The following CACNA1C variants were observed in gnomAD, a reference collection of about 807,000 sequenced individuals.
The protein encoded by CACNA1C is calcium voltage-gated channel subunit alpha1 C, also known as voltage-dependent L-type calcium channel subunit alpha-1C.
A neutral mutation model predicts 229.0 loss-of-function variants in CACNA1C; 30 were observed. That is an observed-to-expected ratio of 0.13 (90% CI 0.10 to 0.18). CACNA1C has a LOEUF of 0.18. CACNA1C is among the 10% of genes least tolerant of loss of function. CACNA1C has a pLI of 1.00. For synonymous variants in CACNA1C, 1,114 were observed against 1,132.5 expected (o/e 0.98, Z 0.33); for missense variants, 1,658 against 2,845.0 (o/e 0.58, Z 9.49).
chr12:2,245,544 C>T (rs1276238009), intron 3 of CACNA1C, among the ~76,000 whole-genome samples: 1 of 152,162 alleles, frequency 6.6e-6, no homozygotes, highest in African/African-American at 2.4e-5. Flanking sequence ...TTTCCTTGTT[C>T]CTCCCAAAGG....
At chr12:2,434,614 C>A (rs1938167460) in intron 3 of CACNA1C, among the ~76,000 whole-genome samples, 1 of 152,208 alleles carries the variant, frequency 6.6e-6, no homozygotes, top group Non-Finnish European at 1.5e-5. Flanking sequence ...GCCAAATTCA[C>A]TTTTGTGGAT....
At chr12:2,535,864 C>T (rs1022839984) in intron 9 of CACNA1C, among the ~76,000 whole-genome samples, 14 of 152,194 alleles carry the variant, frequency 9.2e-5, no homozygotes, top group African/African-American at 2.9e-4. Flanking sequence ...GCAAAGGACA[C>T]GCTACATAGC....
At chr12:1,981,033 G>GATA (rs1327256629) in intron 1 of CACNA1C, among the ~76,000 whole-genome samples, 2 of 152,036 alleles carry the variant, frequency 1.3e-5, no homozygotes, top group East Asian at 3.8e-4. Context: ...TGTTCACATA[G>GATA]ATAAAACTAA....
At chr12:2,598,749 G>C (rs2070127519) in intron 21 of CACNA1C, among the ~76,000 whole-genome samples, 1 of 152,206 alleles carries the variant, frequency 6.6e-6, no homozygotes, top group Non-Finnish European at 1.5e-5. Context: ...GTCACATCCA[G>C]ATACAAATTG....
At chr12:2,548,841 C>A (rs2099888899) in intron 9 of CACNA1C, among the ~76,000 whole-genome samples, 1 of 152,156 alleles carries the variant, frequency 6.6e-6, no homozygotes, top group South Asian at 2.1e-4. Context: ...GAGGCCACTC[C>A]CTCAACTAAC....
rs117593192 is a variant in CACNA1C at position 2,463,915 on chromosome 12, A to G, written c.757+6209A>G. ...TGCGTATTACACCAAAGACTAAGCC[A>G]TATGGAGGAATCAACGTTATACAGC... On this transcript the variant is annotated intron_variant, in intron 5 of 46. Transcript: ENST00000399655. Among the ~76,000 whole-genome samples the G allele has an allele frequency of 4.3e-3, 659 of 152,360 alleles. 6 individuals are homozygous for G. Among genetic ancestry groups the G allele is most frequent in the Admixed American group, 0.014 (212 of 15,312 alleles).
chr12:2,264,840 T>C (rs11615388), intron 3 of CACNA1C, among the ~76,000 whole-genome samples: 7,207 of 152,254 alleles, frequency 0.047, 210 homozygotes, highest in Middle Eastern at 0.071. Flanking sequence ...AGAGAGTTAG[T>C]TCCATCCCAA....
intron 3 of CACNA1C, among the ~76,000 whole-genome samples, chr12:2,191,979 T>C (rs572363438): frequency 1.3e-5 from 2 of 150,780 alleles, no homozygotes; most frequent in Admixed American, 6.6e-5. Flanking sequence ...GGCACACGTG[T>C]ACACGCACGC....
chr12:2,581,107 A>C (rs1354618472), intron 13 of CACNA1C, among the ~76,000 whole-genome samples: 1 of 152,096 alleles, frequency 6.6e-6, no homozygotes, highest in African/African-American at 2.4e-5. Flanking sequence ...TGGGGGAAAA[A>C]AAGCTTTCTT....
In CACNA1C at chr12:2,566,325, C is replaced by A; in HGVS notation, c.1509-97C>A. ...TTGGGCTGCTCTAGCAAGGCCAGAT[C>A]AGTGAGGGGCGAGAAGAGCCATGGT... On this transcript the variant is annotated intron_variant, in intron 11 of 46. Transcript: ENST00000399655. This position sits in a 1 kb window ranked among gnomAD's most constrained non-coding sequence, Gnocchi z 4.0. The A allele has an allele frequency of 8.6e-7, 1 of 1,157,624 alleles. No homozygotes were observed. Among genetic ancestry groups the A allele is most frequent in the Non-Finnish European group, 1.2e-6 (1 of 821,398 alleles). 71.7% of individuals were successfully genotyped at this position (1,157,624 alleles called of 1,614,324 possible). A position where few individuals can be genotyped will look rare whatever the true frequency, so the allele number is the denominator to read the frequency against.
At chr12:2,688,339 G>A in intron 45 of CACNA1C, 108 bp from the exon 46 acceptor site, 1 of 978,854 alleles carries the variant, frequency 1.0e-6, no homozygotes, top group Non-Finnish European at 1.6e-6. Context: ...CAGGCAGGTG[G>A]AGCTAGCTGG....
intron 18 of CACNA1C, among the ~76,000 whole-genome samples, chr12:2,589,150 TG>T (rs2063937309): frequency 6.6e-6 from 1 of 152,202 alleles, no homozygotes; most frequent in African/African-American, 2.4e-5. Flanking sequence ...TGCCAGGCAC[TG>T]TGCTAGGTAC....
chr12:2,055,042 A>G (rs976755356), intron 1 of CACNA1C, among the ~76,000 whole-genome samples: 5 of 152,254 alleles, frequency 3.3e-5, no homozygotes, highest in Non-Finnish European at 7.3e-5. Context: ...TCTGCTTTCC[A>G]GCATGGGTGG....
rs985998587 is a variant in CACNA1C, at chr12:2,474,713, G to T, written c.758-11391G>T. Among the ~76,000 whole-genome samples, 3 of 145,322 alleles carry T rather than the reference G, an allele frequency of 2.1e-5. No individual in the cohort carries two copies. The Admixed American group carries it at 2.2e-4, about 11-fold the overall frequency. ...GCAGGTTGCAGTGAGCTGAGATCAC[G>T]CCATTGCGCTCCAGCCTGGGCAACA... On this transcript the variant is annotated intron_variant, in intron 5 of 46. Transcript: ENST00000399655.
chr12:2,582,399 G>T (rs143945263), intron 14 of CACNA1C, among the ~76,000 whole-genome samples: 43 of 152,314 alleles, frequency 2.8e-4, no homozygotes, highest in Admixed American at 1.6e-3. Flanking sequence ...AGGTAAAAAT[G>T]AATCACATGT....
At chr12:2,431,485 G>GA (rs1451417479) in intron 3 of CACNA1C, among the ~76,000 whole-genome samples, 3 of 152,134 alleles carry the variant, frequency 2.0e-5, no homozygotes, top group Admixed American at 6.5e-5. Context: ...TCCAGAGGGA[G>GA]AAAAAACATA....
rs2096883817 is a variant in CACNA1C at position 2,677,521 on chromosome 12, GC to G, written c.4957-210del. On this transcript the variant is annotated intron_variant, in intron 40 of 46. Coordinates refer to ENST00000399655, the MANE Select transcript of CACNA1C (RefSeq NM_000719.7). This position sits in a 1 kb window ranked among gnomAD's most constrained non-coding sequence, Gnocchi z 7.4. Reference sequence around the variant, plus strand: ...GACCCCTGGTGCCCCGTCCTAATGAGCCTTCATCCCTCCTGGATGGGCGAGT... The same window carrying G: ...GACCCCTGGTGCCCCGTCCTAATGAGCTTCATCCCTCCTGGATGGGCGAGT... 3 of 635,882 alleles carry G rather than the reference GC, an allele frequency of 4.7e-6. No homozygotes were observed. The highest frequency in any genetic ancestry group is 8.1e-6 in the Non-Finnish European group (3 of 368,526). 39.4% of individuals were successfully genotyped at this position (635,882 alleles called of 1,614,324 possible).
intron 18 of CACNA1C, among the ~76,000 whole-genome samples, chr12:2,591,478 T>C (rs2065284334): frequency 6.6e-6 from 1 of 152,134 alleles, no homozygotes; most frequent in Admixed American, 6.5e-5. Context: ...GGGACAGACA[T>C]TTAAAATCAG....
intron 1 of CACNA1C, among the ~76,000 whole-genome samples, chr12:2,003,953 C>T (rs770465050): frequency 6.6e-6 from 1 of 152,220 alleles, no homozygotes; most frequent in Non-Finnish European, 1.5e-5. Context: ...TCTACTTTCT[C>T]GAGCACATCG....
Sources: allele counts gnomAD v4.1 joint callset (sites outside exome capture counted in the v4.1 genomes callset), GRCh38; gene constraint gnomAD v4.1.1; non-coding constraint Gnocchi (gnomAD v3.1); transcripts MANE v1.5; gene names NCBI Gene and HGNC (gene_info 2026-07-23, HGNC 2026-07-21).